Variants in AGBL1 observed in about 807,000 individuals in gnomAD.
The protein encoded by AGBL1 is cytosolic carboxypeptidase 4.
In AGBL1, 130 loss-of-function variants were observed where a neutral mutation model predicts 118.9. The ratio of observed to expected loss-of-function variants is 1.09; its 90% CI spans 0.95 to 1.26. AGBL1 has a LOEUF of 1.26. Ranked by LOEUF, AGBL1 falls within the 50% of genes most tolerant of loss-of-function variation. The pLI is 0.00. For synonymous variants in AGBL1, 555 were observed against 478.9 expected (o/e 1.16, Z -2.08); for missense variants, 1,584 against 1,298.1 (o/e 1.22, Z -3.38).
chr15:86,197,897 A>C (rs554219793), intron 5 of AGBL1, among the ~76,000 whole-genome samples: 1 of 131,964 alleles, frequency 7.6e-6, no homozygotes, highest in South Asian at 2.2e-4. Flanking sequence ...GCTATTCTTT[A>C]AAAAAAAAAA....
intron 22 of AGBL1, among the ~76,000 whole-genome samples, chr15:86,818,751 C>G (rs11073674): frequency 6.6e-6 from 1 of 152,014 alleles, no homozygotes; most frequent in African/African-American, 2.4e-5. Context: ...AGTACAACAT[C>G]GTGGCTCAGC....
At chr15:86,334,328 A>T (rs1198927575) in intron 17 of AGBL1, among the ~76,000 whole-genome samples, 2 of 152,216 alleles carry the variant, frequency 1.3e-5, no homozygotes, top group Non-Finnish European at 2.9e-5. Flanking sequence ...AAGTTTCAGG[A>T]TACAAAATCA....
intron 22 of AGBL1, among the ~76,000 whole-genome samples, chr15:86,781,637 C>G (rs1440673631): frequency 1.3e-5 from 2 of 152,286 alleles, no homozygotes; most frequent in East Asian, 3.9e-4. Context: ...GACATTAAAC[C>G]TATCCTTAAA....
chr15:86,086,229 T>A (rs182437691), intron 1 of AGBL1: 143 of 152,276 alleles, frequency 9.4e-4, no homozygotes, highest in African/African-American at 3.3e-3. Flanking sequence ...GGATGAGAAC[T>A]TGGTCTCGGT....
chr15:86,530,401 G>A (rs866063806), intron 19 of AGBL1, among the ~76,000 whole-genome samples: 3,000 of 137,342 alleles, frequency 0.022, 51 homozygotes, highest in African/African-American at 0.05. Flanking sequence ...TTCAACAAGA[G>A]GAGCTAACTA....
chr15:86,153,690 T>C (rs1398794858), intron 3 of AGBL1, among the ~76,000 whole-genome samples: 1 of 152,202 alleles, frequency 6.6e-6, no homozygotes, highest in Non-Finnish European at 1.5e-5. Context: ...GAGGGGATAA[T>C]TTTATTTTCT....
intron 4 of AGBL1, among the ~76,000 whole-genome samples, chr15:86,158,373 A>G (rs1307353060): frequency 6.6e-6 from 1 of 152,182 alleles, no homozygotes; most frequent in Non-Finnish European, 1.5e-5. Context: ...GATCAAGGCT[A>G]GCCTAAAGCA....
intron 24 of AGBL1, among the ~76,000 whole-genome samples, chr15:86,997,084 G>A (rs1403952292): frequency 6.6e-6 from 1 of 151,872 alleles, no homozygotes; most frequent in Non-Finnish European, 1.5e-5. Flanking sequence ...CTGTTGTTTT[G>A]ATCTGTATTT....
rs1039769471 is a variant in AGBL1 at position 86,895,308 on chromosome 15, T to C, written c.3159-11779T>C. Among the ~76,000 whole-genome samples the C allele has an allele frequency of 2.0e-4, 31 of 152,054 alleles. 1 individual carries two copies. The highest frequency in any genetic ancestry group is 1.5e-5 in the Non-Finnish European group (1 of 68,014). On this transcript the variant is annotated intron_variant, in intron 22 of 22. Transcript: ENST00000614907. ...ATATTGATACATAAAAAATAACCTG[T>C]ACCTTATGTCATCTTATTCTCATTG...
At chr15:86,544,855 C>T (rs1186638453) in intron 19 of AGBL1, among the ~76,000 whole-genome samples, 1 of 152,144 alleles carries the variant, frequency 6.6e-6, no homozygotes, top group African/African-American at 2.4e-5. Context: ...TAGTCTACTG[C>T]AAAGGGTCAT....
chr15:86,137,200 A>G (rs2076900499), intron 1 of AGBL1, among the ~76,000 whole-genome samples: 2 of 152,194 alleles, frequency 1.3e-5, no homozygotes, highest in Admixed American at 6.5e-5. Flanking sequence ...AAGTAAAACC[A>G]TTTGTGCTGC....
At chr15:86,174,751 G>A (rs1349772985) in intron 5 of AGBL1, among the ~76,000 whole-genome samples, 6 of 152,050 alleles carry the variant, frequency 3.9e-5, no homozygotes, top group Non-Finnish European at 7.4e-5. Flanking sequence ...CTTTTGGGAA[G>A]ACTGTATGGT....
At chr15:86,229,310 A>C (rs2078418140) in intron 6 of AGBL1, among the ~76,000 whole-genome samples, 1 of 152,154 alleles carries the variant, frequency 6.6e-6, no homozygotes, top group African/African-American at 2.4e-5. Context: ...GAAACTTACA[A>C]TCATGGCAGA....
chr15:86,988,582 T>A (rs1596712597), intron 24 of AGBL1, among the ~76,000 whole-genome samples: 1 of 152,326 alleles, frequency 6.6e-6, no homozygotes. Flanking sequence ...TTACCTTTCT[T>A]AATGCTATTA....
intron 18 of AGBL1, among the ~76,000 whole-genome samples, chr15:86,505,797 G>T (rs2082969806): frequency 6.6e-6 from 1 of 151,614 alleles, no homozygotes; most frequent in African/African-American, 2.4e-5. Flanking sequence ...GTTTCTATTA[G>T]CTGTTATATT....
At chr15:86,258,315 A>G (rs1167255252) in intron 9 of AGBL1, among the ~76,000 whole-genome samples, 2 of 152,230 alleles carry the variant, frequency 1.3e-5, no homozygotes, top group Non-Finnish European at 1.5e-5. Flanking sequence ...TTAGGCACAC[A>G]TTTAACACTT....
At chr15:86,552,741 T>C (rs1409957421) in intron 20 of AGBL1, among the ~76,000 whole-genome samples, 2 of 151,940 alleles carry the variant, frequency 1.3e-5, no homozygotes, top group East Asian at 3.9e-4. Context: ...AAGGAACAAA[T>C]AGATGGAGGG....
chr15:86,845,089 A>G (rs942454978), intron 22 of AGBL1, among the ~76,000 whole-genome samples: 5 of 152,130 alleles, frequency 3.3e-5, no homozygotes, highest in African/African-American at 7.2e-5. Context: ...TAGTATTAAA[A>G]TCAAAGTCCT....
intron 22 of AGBL1, among the ~76,000 whole-genome samples, chr15:86,742,069 G>A (rs2077687713): frequency 6.6e-6 from 1 of 151,926 alleles, no homozygotes; most frequent in Admixed American, 6.6e-5. Context: ...GTGGAGAGGA[G>A]GGTTGAGAGG....
Sources: gnomAD v4.1 joint callset for allele counts (sites outside exome capture counted in the v4.1 genomes callset) on GRCh38, gnomAD v4.1.1 for gene constraint, MANE v1.5 for transcripts, NCBI Gene and HGNC (gene_info 2026-07-23, HGNC 2026-07-21) for gene names.